RBFOX3: variants seen among roughly 807,000 people sequenced by gnomAD.
RBFOX3 encodes the protein RNA binding fox-1 homolog 3.
A neutral mutation model predicts 48.7 loss-of-function variants in RBFOX3; 17 were observed. The ratio of observed to expected loss-of-function variants is 0.35; its 90% confidence interval spans 0.24 to 0.52. The LOEUF is 0.52. Among genes scored for constraint, RBFOX3 ranks in the 20% least tolerant of loss-of-function variants. The pLI is 0.94. For missense variants in RBFOX3, 382 were observed against 497.5 expected, an observed-to-expected ratio of 0.77 and a Z score of 2.21; for synonymous variants, 212 against 209.5, an observed-to-expected ratio of 1.01 and a Z score of -0.10.
chr17:79,157,474 G>A (rs2377306), intron 4 of RBFOX3, among the ~76,000 whole-genome samples: 2 of 152,320 alleles, frequency 1.3e-5, no homozygotes, highest in East Asian at 3.9e-4. Flanking sequence ...CTTCCCCCTG[G>A]GTCACCAAAT....
intron 13 of RBFOX3, 45 bp downstream of exon 13, chr17:79,095,468 C>T: frequency 6.6e-7 from 1 of 1,519,902 alleles, no homozygotes; most frequent in Non-Finnish European, 8.9e-7. Flanking sequence ...CCTTGTCCAT[C>T]TTCTCCCCAC....
intron 2 of RBFOX3, among the ~76,000 whole-genome samples, chr17:79,411,751 G>A (rs560958137): frequency 2.6e-5 from 4 of 152,332 alleles, no homozygotes; most frequent in South Asian, 2.1e-4. Context: ...TAGAGCACCC[G>A]TGTTGGACAA....
rs2064114160 is a variant in RBFOX3, at chr17:79,252,450, C to T, written c.-73-16645G>A. ...TCAGCTGGGGTCCACTCTGACCCTC[C>T]CTCTCTTCCTCCCCCATCCTCCAAT... On this transcript the variant is annotated intron_variant, in intron 3 of 14. Coordinates refer to ENST00000693108, the MANE Select transcript of RBFOX3 (RefSeq NM_001350451.2). The surrounding 1 kb of genome is among the most constrained non-coding windows in gnomAD (Gnocchi z 4.0). Among the ~76,000 whole-genome samples, 1 of 152,150 alleles carries T rather than the reference C, an allele frequency of 6.6e-6. No individual in the cohort carries two copies. Among genetic ancestry groups the T allele is most frequent in the African/African-American group, 2.4e-5 (1 of 41,442 alleles).
chr17:79,266,066 G>T (rs1486225588), intron 3 of RBFOX3, among the ~76,000 whole-genome samples: 1 of 152,274 alleles, frequency 6.6e-6, no homozygotes, highest in Non-Finnish European at 1.5e-5. Flanking sequence ...AGGTGAGACT[G>T]TCTGCTCCAG....
chr17:79,354,113 A>G (rs1172016617), intron 2 of RBFOX3, among the ~76,000 whole-genome samples: 5 of 151,978 alleles, frequency 3.3e-5, no homozygotes, highest in Admixed American at 3.3e-4. Context: ...ACTGTCCACA[A>G]CCGCCTCCAG....
At chr17:79,544,666 C>A (rs1568399367) in intron 1 of RBFOX3, among the ~76,000 whole-genome samples, 1 of 152,088 alleles carries the variant, frequency 6.6e-6, no homozygotes, top group Non-Finnish European at 1.5e-5. Context: ...TGCAGACACA[C>A]CTGGCTGCCT....
At chr17:79,542,076 T>C in intron 1 of RBFOX3, among the ~76,000 whole-genome samples, 1 of 151,432 alleles carries the variant, frequency 6.6e-6, no homozygotes, top group South Asian at 2.1e-4. Flanking sequence ...CGTGCAACAC[T>C]CCGAGACCTC....
At chr17:79,230,179 T>C (rs1162941908) in intron 4 of RBFOX3, among the ~76,000 whole-genome samples, 1 of 152,190 alleles carries the variant, frequency 6.6e-6, no homozygotes, top group Non-Finnish European at 1.5e-5. Context: ...GGTTCCCTTC[T>C]CCCCAGTTTT....
At chr17:79,398,676 C>T (rs2062373435) in intron 2 of RBFOX3, among the ~76,000 whole-genome samples, 1 of 152,204 alleles carries the variant, frequency 6.6e-6, no homozygotes, top group South Asian at 2.1e-4. Context: ...AGCAGCAGCG[C>T]TGAGGCTGAG....
intron 3 of RBFOX3, among the ~76,000 whole-genome samples, chr17:79,301,288 G>C (rs554345803): frequency 2.6e-5 from 4 of 152,232 alleles, no homozygotes; most frequent in African/African-American, 7.2e-5. Flanking sequence ...CTGGGGCTGC[G>C]AGTTGTCCAT....
intron 1 of RBFOX3, among the ~76,000 whole-genome samples, chr17:79,506,526 T>C (rs1392941731): frequency 6.6e-6 from 1 of 152,164 alleles, no homozygotes; most frequent in Admixed American, 6.5e-5. Context: ...AGTGCTCCAG[T>C]GGCCCCCTAC....
chr17:79,225,506 G>T (rs112205229), intron 4 of RBFOX3, among the ~76,000 whole-genome samples: 6,527 of 152,224 alleles, frequency 0.043, 194 homozygotes, highest in Non-Finnish European at 0.069. Context: ...GCCCAGGCTG[G>T]TCTCAAACTC....
chr17:79,296,429 C>A (rs1466618836), intron 3 of RBFOX3, among the ~76,000 whole-genome samples: 1 of 152,132 alleles, frequency 6.6e-6, no homozygotes, highest in Non-Finnish European at 1.5e-5. Flanking sequence ...GCTCTATGGG[C>A]CGACTTTGTT....
chr17:79,231,163 A>C (rs778126485), intron 4 of RBFOX3, among the ~76,000 whole-genome samples: 30 of 152,128 alleles, frequency 2.0e-4, no homozygotes, highest in Admixed American at 3.9e-4. Context: ...AGGTGGCTGG[A>C]GTTATAAGAC....
rs538509160 is a variant in RBFOX3 at position 79,437,579 on chromosome 17, AGCAACAG to A, written c.-175+44868_-175+44874del. ...CCAGGCCACCAGGAGCAGGTGGAGG[AGCAACAG>A]GCAGATAGATCCATGTGGGGATGGG... is the stretch of plus-strand genomic sequence containing the variant. On this transcript the variant is annotated intron_variant, in intron 2 of 14. Coordinates refer to ENST00000693108, the MANE Select transcript of RBFOX3 (RefSeq NM_001350451.2). Among the ~76,000 whole-genome samples the A allele has an allele frequency of 3.0e-3, 451 of 152,274 alleles. 3 individuals are homozygous for A. Among genetic ancestry groups the A allele is most frequent in the African/African-American group, 0.01 (435 of 41,536 alleles).
intron 4 of RBFOX3, among the ~76,000 whole-genome samples, chr17:79,179,251 TC>T (rs2051308573): frequency 6.6e-6 from 1 of 152,016 alleles, no homozygotes; most frequent in South Asian, 2.1e-4. Flanking sequence ...GACCCTAGAA[TC>T]CCCCTGCCCC....
At chr17:79,284,953 A>G (rs73408770) in intron 3 of RBFOX3, among the ~76,000 whole-genome samples, 7,840 of 152,232 alleles carry the variant, frequency 0.052, 689 homozygotes, top group African/African-American at 0.18. Flanking sequence ...AGAAGGGCAG[A>G]CACAGAAGTA....
At position 79,249,303 on chromosome 17, in the gene RBFOX3, G is replaced by A. The variant is rs1463936264; in HGVS notation, c.-73-13498C>T. On this transcript the variant is annotated intron_variant, in intron 3 of 14. Transcript: ENST00000693108. The surrounding 1 kb of genome is among the most constrained non-coding windows in gnomAD (Gnocchi z 4.1). ...AGATGCTGAGCTGTGAACAAAGTCAGAGTCCACTCATAACCACCTCCCTCT... is the reference window on the plus strand; with the variant it reads ...AGATGCTGAGCTGTGAACAAAGTCAAAGTCCACTCATAACCACCTCCCTCT... Among the ~76,000 whole-genome samples the A allele has an allele frequency of 6.6e-6, 1 of 152,130 alleles. No individual in the cohort carries two copies. The highest frequency in any genetic ancestry group is 1.5e-5 in the Non-Finnish European group (1 of 68,016).
chr17:79,194,722 G>A (rs183402679), intron 4 of RBFOX3, among the ~76,000 whole-genome samples: 16 of 149,502 alleles, frequency 1.1e-4, no homozygotes, highest in Non-Finnish European at 2.2e-4. Flanking sequence ...AAACACGGCC[G>A]GTTCTAATTG....
Sources: gnomAD v4.1 joint callset for allele counts (sites outside exome capture counted in the v4.1 genomes callset) on GRCh38, gnomAD v4.1.1 for gene constraint, Gnocchi (gnomAD v3.1) non-coding constraint, MANE v1.5 for transcripts, NCBI Gene and HGNC (gene_info 2026-07-23, HGNC 2026-07-21) for gene names.